The following GPR158 variants were observed in gnomAD, a reference collection of about 807,000 sequenced individuals.
The protein encoded by GPR158 is G protein-coupled receptor 158.
GPR158 carries 30 observed loss-of-function variants against 78.2 expected under a neutral mutation model. That is an observed-to-expected ratio of 0.38 (90% CI 0.29 to 0.52). The LOEUF (loss-of-function observed/expected upper bound fraction) is 0.52. Ranked by LOEUF, GPR158 falls within the 20% of genes least tolerant of loss-of-function variation. GPR158 has a pLI of 0.83. For synonymous variants in GPR158, 581 were observed against 591.1 expected (o/e 0.98, Z 0.25); for missense variants, 1,463 against 1,523.5 (o/e 0.96, Z 0.66).
chr10:25,187,178 G>A (rs1388023080), intron 1 of GPR158, among the ~76,000 whole-genome samples: 3 of 151,752 alleles, frequency 2.0e-5, no homozygotes, highest in African/African-American at 2.4e-5. Context: ...TGTTAGCCAG[G>A]ATGGTCTCAA....
chr10:25,306,567 A>G lies in GPR158; in HGVS notation c.1008+85410A>G, dbSNP rs1036824245. Among the ~76,000 whole-genome samples the G allele has an allele frequency of 2.6e-5, 4 of 152,324 alleles. No homozygotes were observed. In the South Asian group the frequency reaches 6.2e-4, roughly 24 times the overall value. ...AATATATGTATGCATGCATGTATGTATATGCACATGCAGACATACACACAT... is the reference window on the plus strand; with the variant it reads ...AATATATGTATGCATGCATGTATGTGTATGCACATGCAGACATACACACAT... On this transcript the variant is annotated intron_variant, in intron 2 of 10. Transcript: ENST00000376351.
At chr10:25,453,022 C>T (rs1306073794) in intron 4 of GPR158, among the ~76,000 whole-genome samples, 1 of 152,154 alleles carries the variant, frequency 6.6e-6, no homozygotes, top group Non-Finnish European at 1.5e-5. Context: ...GCATGTCCTC[C>T]AGTTTTATCC....
rs151128262 is a variant in GPR158 at position 25,221,091 on chromosome 10, C to T, written c.942C>T (p.Asp314=). 8.1e-6 allele frequency: 13 copies of T among 1,600,972 alleles called. No homozygotes were observed. The highest frequency in any genetic ancestry group is 2.7e-5 in the African/African-American group (2 of 74,618). Residue 314 remains aspartate (D), a synonymous_variant, in exon 2 of 11, where the codon GAC becomes GAT. Transcript: ENST00000376351. The stretch of plus-strand genomic sequence containing the variant: ...TTGACATAAATCTTCAGAAAGTGGA[C>T]ATTGACCAATGCTCAAGTGATGGCT... ...MKVDINLQKV[D]IDQCSSDGWF... is the part of the protein sequence containing the mutation.
At chr10:25,423,120 CATATATATGTATATACATATACATATAT>C (rs1834774714) in intron 4 of GPR158, among the ~76,000 whole-genome samples, 1 of 147,486 alleles carries the variant, frequency 6.8e-6, no homozygotes, top group Non-Finnish European at 1.5e-5. Context: ...CACATATATA[CATATATATGTATATACATATACATATAT>C]ATGTATATGT....
At chr10:25,394,295 G>C (rs1834340505) in intron 2 of GPR158, among the ~76,000 whole-genome samples, 1 of 152,188 alleles carries the variant, frequency 6.6e-6, no homozygotes, top group Non-Finnish European at 1.5e-5. Context: ...GAGATGTTAA[G>C]AGAACAGCCC....
At chr10:25,219,141 G>A (rs143372127) in intron 1 of GPR158, among the ~76,000 whole-genome samples, 116 of 152,328 alleles carry the variant, frequency 7.6e-4, no homozygotes, top group African/African-American at 2.6e-3. Context: ...AGTGAAAGCA[G>A]TCAGTAAGTC....
chr10:25,198,004 G>T (rs1852866618), intron 1 of GPR158, among the ~76,000 whole-genome samples: 1 of 152,122 alleles, frequency 6.6e-6, no homozygotes. Context: ...ACAAAAATGA[G>T]ATGTTGGTCT....
chr10:25,573,683 G>A (rs1184979894), intron 7 of GPR158, among the ~76,000 whole-genome samples: 1 of 152,142 alleles, frequency 6.6e-6, no homozygotes, highest in African/African-American at 2.4e-5. Context: ...AACCTTAATT[G>A]TATTTGGCAG....
chr10:25,192,133 G>T (rs1050552928), intron 1 of GPR158, among the ~76,000 whole-genome samples: 1 of 152,146 alleles, frequency 6.6e-6, no homozygotes, highest in Non-Finnish European at 1.5e-5. Context: ...GATCGTGGGG[G>T]CAGCTTCCCC....
chr10:25,199,680 ACT>A (rs76369744), intron 1 of GPR158, among the ~76,000 whole-genome samples: 123,945 of 151,542 alleles, frequency 0.82, 51,500 homozygotes, highest in East Asian at 0.99. Flanking sequence ...CAGTTTCTCC[ACT>A]CTCTCTCTCT....
At chr10:25,379,060 G>A (rs905656892) in intron 2 of GPR158, among the ~76,000 whole-genome samples, 2 of 151,960 alleles carry the variant, frequency 1.3e-5, no homozygotes, top group Non-Finnish European at 2.9e-5. Flanking sequence ...CAAAATGCTG[G>A]GATTACAGGC....
intron 2 of GPR158, among the ~76,000 whole-genome samples, chr10:25,302,481 C>T (rs957219469): frequency 2.0e-5 from 3 of 152,088 alleles, no homozygotes; most frequent in African/African-American, 7.2e-5. Context: ...GAAACTCTGT[C>T]TTCCCTGCGG....
chr10:25,597,712 A>T (rs1837427599), intron 10 of GPR158, 60 bp from the exon 11 acceptor site: 1 of 1,345,020 alleles, frequency 7.4e-7, no homozygotes, highest in Non-Finnish European at 1.0e-6. Flanking sequence ...CCATGTAGTG[A>T]TCTTCTATGA....
intron 2 of GPR158, among the ~76,000 whole-genome samples, chr10:25,331,698 C>G (rs78604867): frequency 0.016 from 2,454 of 152,262 alleles, 30 homozygotes; most frequent in Non-Finnish European, 0.025. Context: ...CCTCTCTCAC[C>G]CCAGTCACTG....
intron 5 of GPR158, among the ~76,000 whole-genome samples, chr10:25,491,898 T>C (rs940129475): frequency 1.3e-5 from 2 of 152,188 alleles, no homozygotes; most frequent in African/African-American, 4.8e-5. Flanking sequence ...TTTGTCATTA[T>C]AGTTATTGCT....
chr10:25,489,082 A>G (rs192327470), intron 5 of GPR158, among the ~76,000 whole-genome samples: 1 of 152,292 alleles, frequency 6.6e-6, no homozygotes, highest in East Asian at 1.9e-4. Context: ...GGAGAAAAGT[A>G]GACAAAAACT....
rs572482015 is a variant in GPR158, at chr10:25,471,391, G to C, written c.1404+4672G>C. ...ATATTTGGGTCGGTTCCAAGTCTTT[G>C]CTATTGTGAATAGTGCCACAATAAA... On this transcript the variant is annotated intron_variant, in intron 5 of 10. Transcript: ENST00000376351. 8.5e-5 allele frequency among the ~76,000 whole-genome samples: 13 copies of C among 152,188 alleles called. No homozygotes were observed. The South Asian group carries it at 2.7e-3, about 32-fold the overall frequency.
At chr10:25,359,214 C>T (rs868349674) in intron 2 of GPR158, among the ~76,000 whole-genome samples, 5 of 151,990 alleles carry the variant, frequency 3.3e-5, no homozygotes, top group South Asian at 2.1e-4. Context: ...CACATACACA[C>T]ACATATATAT....
chr10:25,569,670 A>G (rs572271273), intron 6 of GPR158, among the ~76,000 whole-genome samples: 1 of 152,170 alleles, frequency 6.6e-6, no homozygotes. Flanking sequence ...ATTCCCATCA[A>G]TTAGAATATC....
Sources: allele counts gnomAD v4.1 joint callset (sites outside exome capture counted in the v4.1 genomes callset), GRCh38; gene constraint gnomAD v4.1.1; transcripts MANE v1.5; gene names NCBI Gene and HGNC (gene_info 2026-07-23, HGNC 2026-07-21).